ITPR3: variants seen among roughly 807,000 people sequenced by gnomAD.
ITPR3 encodes inositol 1,4,5-trisphosphate receptor type 3, also known as inositol 1,4,5-trisphosphate-gated calcium channel ITPR3.
A neutral mutation model predicts 293.2 loss-of-function variants in ITPR3; 173 were observed. The ratio of observed to expected loss-of-function variants is 0.59; its 90% CI spans 0.52 to 0.67. ITPR3 has a LOEUF of 0.67. Among genes scored for constraint, ITPR3 ranks in the 30% least tolerant of loss-of-function variants. ITPR3 has a pLI of 0.00. For missense variants in ITPR3, 2,796 were observed against 3,592.1 expected, an observed-to-expected ratio of 0.78 and a Z score of 5.66; for synonymous variants, 1,295 against 1,444.4, an observed-to-expected ratio of 0.90 and a Z score of 2.35.
Position 33,654,922 on chromosome 6 carries a change from G to A in ITPR3, c.161-844G>A, listed in dbSNP as rs947595036. On this transcript the variant is annotated intron_variant, in intron 2 of 57. Coordinates refer to ENST00000605930, the MANE Select transcript of ITPR3 (RefSeq NM_002224.4). The surrounding 1 kb of genome is among the most constrained non-coding windows in gnomAD (Gnocchi z 4.1). ...CTCCCTCCCCTCCTACCAAGCTTTC[G>A]AACAGGCTTTTCCAACTCCTGCCTC... 6.6e-6 allele frequency among the ~76,000 whole-genome samples: 1 copy of A among 152,140 alleles called. No homozygotes were observed. The highest frequency in any genetic ancestry group is 6.6e-5 in the Admixed American group (1 of 15,260).
chr6:33,694,724 AGGGT>A, intron 56 of ITPR3, 196 bp from the exon 57 acceptor site: 7 of 494,610 alleles, frequency 1.4e-5, no homozygotes, highest in Admixed American at 4.0e-5. Context: ...TCGGTGGCAG[AGGGT>A]TGACAAGAGG....
intron 7 of ITPR3, 104 bp downstream of exon 7, chr6:33,659,653 C>G: frequency 1.0e-6 from 1 of 964,238 alleles, no homozygotes; most frequent in East Asian, 2.4e-5. Context: ...CCCTTACCCT[C>G]TCCCCAGCTT....
In ITPR3 at chr6:33,663,498, A is replaced by G. The variant is rs757970717; in HGVS notation, c.955-2A>G. ...TCCCCCACATCTTGTATCTCTGTCC[A>G]GGAGAACCCCAGTTACAAAGGTGAT... On this transcript the variant is annotated splice_acceptor_variant, in intron 9 of 57. Coordinates refer to ENST00000605930, the MANE Select transcript of ITPR3 (RefSeq NM_002224.4). LOFTEE classifies it high-confidence loss of function. 2 of 1,604,582 alleles carry G rather than the reference A, an allele frequency of 1.2e-6. No individual in the cohort carries two copies. The highest frequency in any genetic ancestry group is 1.7e-5 in the Admixed American group (1 of 58,846).
Position 33,678,625 on chromosome 6 carries a change from G to GC in ITPR3, c.3772-8dup. 1 of 1,608,454 alleles carries GC rather than the reference G, an allele frequency of 6.2e-7. No individual in the cohort carries two copies. Among genetic ancestry groups the GC allele is most frequent in the South Asian group, 1.1e-5 (1 of 90,142 alleles). On this transcript the variant is annotated splice_polypyrimidine_tract_variant and intron_variant, in intron 29 of 57. Coordinates refer to ENST00000605930, the MANE Select transcript of ITPR3 (RefSeq NM_002224.4). ...GGGCCCAGATCTCTTTCTGACAGAT[G>GC]CCCCCCACTGCAGCTCCTGGAGGCA... is the stretch of plus-strand genomic sequence containing the variant.
Position 33,670,849 on chromosome 6 carries a change from G to A in ITPR3, c.2586+34G>A. The A allele has an allele frequency of 3.1e-6, 5 of 1,605,788 alleles. No homozygotes were observed. The highest frequency in any genetic ancestry group is 4.2e-6 in the Non-Finnish European group (5 of 1,177,258). ...GGGAGTGCCCAGGGGCTGGGGGTCC[G>A]TGGAGCTCTTGTTGGCCCCACACTG... On this transcript the variant is annotated intron_variant, in intron 20 of 57. Transcript: ENST00000605930. This position sits in a 1 kb window ranked among gnomAD's most constrained non-coding sequence, Gnocchi z 6.7.
rs142845743 is a variant in ITPR3, at chr6:33,657,958, A to G, written c.309A>G (p.Gln103=). Residue 103 remains glutamine, a synonymous_variant, in exon 4 of 58, where the codon CAA becomes CAG. Coordinates refer to ENST00000605930, the MANE Select transcript of ITPR3 (RefSeq NM_002224.4). ...ATGCGGCGCAGATGGAGCAGAAGCA[A>G]AATGACACGGAGAACAAGAAGGTGC... is the stretch of plus-strand genomic sequence containing the variant. ...LQHAAQMEQK[Q]NDTENKKVHG... 1.3e-3 allele frequency: 2,111 copies of G among 1,613,714 alleles called. 2 individuals carry two copies. The highest frequency in any genetic ancestry group is 1.7e-3 in the Non-Finnish European group (2,008 of 1,179,900).
chr6:33,667,684 AG>A lies in ITPR3; in HGVS notation c.1714-105del. The stretch of plus-strand genomic sequence containing the variant: ...TCCTTTCCTGGACCTCTGCCTTTCT[AG>A]GGTATTGGGTCCTTACCTCGGGGTT... On this transcript the variant is annotated intron_variant, in intron 15 of 57. Coordinates refer to ENST00000605930, the MANE Select transcript of ITPR3 (RefSeq NM_002224.4). This position sits in a 1 kb window ranked among gnomAD's most constrained non-coding sequence, Gnocchi z 4.4. The A allele has an allele frequency of 8.4e-7, 1 of 1,196,036 alleles. No individual in the cohort carries two copies. The highest frequency in any genetic ancestry group is 1.2e-6 in the Non-Finnish European group (1 of 852,514). 74.1% of individuals were successfully genotyped at this position (1,196,036 alleles called of 1,614,324 possible).
intron 50 of ITPR3, among the ~76,000 whole-genome samples, chr6:33,689,757 A>G (rs1765339865): frequency 6.6e-6 from 1 of 152,232 alleles, no homozygotes; most frequent in Non-Finnish European, 1.5e-5. Context: ...ACAGATGGAA[A>G]TAAAGTGCTT....
intron 2 of ITPR3, among the ~76,000 whole-genome samples, chr6:33,643,818 C>T (rs975556041): frequency 2.0e-5 from 3 of 152,172 alleles, no homozygotes; most frequent in East Asian, 1.9e-4. Flanking sequence ...CCCTAGCCTA[C>T]GCCTCCTCTA....
intron 2 of ITPR3, among the ~76,000 whole-genome samples, chr6:33,653,768 G>A (rs192732580): frequency 2.0e-5 from 3 of 152,270 alleles, no homozygotes; most frequent in Admixed American, 2.0e-4. Context: ...GACAATTGGT[G>A]GTACAACCCA....
chr6:33,634,956 C>G (rs1327604018), intron 1 of ITPR3, among the ~76,000 whole-genome samples: 2 of 152,122 alleles, frequency 1.3e-5, no homozygotes, highest in African/African-American at 4.8e-5. Context: ...CCCTGTGTAC[C>G]GGTCAAGATG....
rs977106751 is a variant in ITPR3, at chr6:33,667,652, C to G, written c.1714-140C>G. ...TAATGTAAGCCACTCTTCTGCCCAGCGATGCTTCCTTTCCTGGACCTCTGC... is the reference window on the plus strand; with the variant it reads ...TAATGTAAGCCACTCTTCTGCCCAGGGATGCTTCCTTTCCTGGACCTCTGC... On this transcript the variant is annotated intron_variant, in intron 15 of 57. Transcript: ENST00000605930. This position sits in a 1 kb window ranked among gnomAD's most constrained non-coding sequence, Gnocchi z 4.4. 1 of 915,320 alleles carries G rather than the reference C, an allele frequency of 1.1e-6. No individual in the cohort carries two copies. Among genetic ancestry groups the G allele is most frequent in the Non-Finnish European group, 1.6e-6 (1 of 612,848 alleles). The allele number at this position is 915,320 out of a possible 1,614,324, so 56.7% of individuals were successfully genotyped here.
chr6:33,660,176 G>A (rs1764426278), intron 7 of ITPR3, among the ~76,000 whole-genome samples: 1 of 152,136 alleles, frequency 6.6e-6, no homozygotes. Context: ...TCTTGGGTGG[G>A]GCTGCAAGGG....
intron 43 of ITPR3, among the ~76,000 whole-genome samples, 196 bp from the exon 44 acceptor site, chr6:33,686,813 G>A (rs575504755): frequency 2.6e-5 from 4 of 152,304 alleles, no homozygotes; most frequent in South Asian, 2.1e-4. Context: ...TGCCACAGCG[G>A]GGGTGAAGGC....
chr6:33,680,494 G>A (rs1262457751), intron 32 of ITPR3, 40 bp downstream of exon 32: 2 of 1,611,230 alleles, frequency 1.2e-6, no homozygotes, highest in Non-Finnish European at 1.7e-6. Flanking sequence ...CCCCCCAGGA[G>A]GTGTGGGAGT....
At chr6:33,656,359 A>G (rs1764305978) in intron 3 of ITPR3, among the ~76,000 whole-genome samples, 1 of 152,184 alleles carries the variant, frequency 6.6e-6, no homozygotes, top group Non-Finnish European at 1.5e-5. Flanking sequence ...ACCATAGAGC[A>G]GTGAACAACC....
Position 33,675,934 on chromosome 6 carries a change from A to T in ITPR3, c.3282+78A>T. On this transcript the variant is annotated intron_variant, in intron 25 of 57. Transcript: ENST00000605930. This position sits in a 1 kb window ranked among gnomAD's most constrained non-coding sequence, Gnocchi z 5.0. ...GGGGGACAGTAAACGATGATTGAGG[A>T]GCTCACAGCTCAAGGGGTAACTTGG... 7.0e-7 allele frequency: 1 copy of T among 1,428,004 alleles called. No individual in the cohort carries two copies. Among genetic ancestry groups the T allele is most frequent in the Non-Finnish European group, 9.3e-7 (1 of 1,077,158 alleles). The allele number at this position is 1,428,004 out of a possible 1,614,324, so 88.5% of individuals were successfully genotyped here. A position where few individuals can be genotyped will look rare whatever the true frequency, so the allele number is the denominator to read the frequency against.
chr6:33,669,614 T>C (rs1176738637), intron 18 of ITPR3, among the ~76,000 whole-genome samples: 1 of 152,156 alleles, frequency 6.6e-6, no homozygotes, highest in Non-Finnish European at 1.5e-5. Flanking sequence ...CAAATCATCA[T>C]CATAATAATC....
rs747104131 is a variant in ITPR3, at chr6:33,686,997, C to G, written c.5980-12C>G. 8 of 1,609,906 alleles carry G rather than the reference C, an allele frequency of 5.0e-6. No homozygotes were observed. The highest frequency in any genetic ancestry group is 6.8e-6 in the Non-Finnish European group (8 of 1,176,794). On this transcript the variant is annotated splice_polypyrimidine_tract_variant and intron_variant, in intron 43 of 57. Transcript: ENST00000605930. The stretch of plus-strand genomic sequence containing the variant: ...GAGACTGTGGCCTGCCTCCCTCTGC[C>G]CCTCCACCCAGGACAATGCCTCCAA...
Sources: gnomAD v4.1 joint callset for allele counts (sites outside exome capture counted in the v4.1 genomes callset) on GRCh38, gnomAD v4.1.1 for gene constraint, Gnocchi (gnomAD v3.1) non-coding constraint, MANE v1.5 for transcripts, NCBI Gene and HGNC (gene_info 2026-07-23, HGNC 2026-07-21) for gene names.